The following MS4A15 variants were observed in gnomAD, a reference collection of about 807,000 sequenced individuals.
MS4A15 encodes membrane-spanning 4-domains subfamily A member 15.
MS4A15 carries 22 observed loss-of-function variants against 20.6 expected under a neutral mutation model. The ratio of observed to expected loss-of-function variants is 1.07; its 90% CI spans 0.76 to 1.52. MS4A15 has a LOEUF of 1.52. Ranked by LOEUF, MS4A15 falls within the 40% of genes most tolerant of loss-of-function variation. The probability of loss-of-function intolerance (pLI) is 0.00; values close to 1 mark genes in which losing one functional copy is unlikely to be tolerated. For missense variants in MS4A15, 312 were observed against 323.0 expected, an observed-to-expected ratio of 0.97 and a Z score of 0.26; for synonymous variants, 129 against 129.3, an observed-to-expected ratio of 1.00 and a Z score of 0.02.
At position 60,775,625 on chromosome 11, in the gene MS4A15, C is replaced by T. The variant is rs1854172876; in HGVS notation, c.633C>T (p.Asn211=). Residue 211 remains asparagine, a synonymous_variant, in exon 7 of 7, where the codon AAC becomes AAT. Transcript: ENST00000405633. Reference sequence around the variant, plus strand: ...TGCAGCCTGTGATCTTCCTGCCAAACGCCTTCAGCGCAGACTTCAACATCC... The same window carrying T: ...TGCAGCCTGTGATCTTCCTGCCAAATGCCTTCAGCGCAGACTTCAACATCC... ...QASAPVIFLP[N]AFSADFNIPS... 1.9e-6 allele frequency: 3 copies of T among 1,613,950 alleles called. No homozygotes were observed. Among genetic ancestry groups the T allele is most frequent in the Non-Finnish European group, 2.5e-6 (3 of 1,179,908 alleles).
intron 4 of MS4A15, 72 bp downstream of exon 4, chr11:60,771,419 C>A (rs755507805): frequency 1.3e-6 from 2 of 1,597,276 alleles, no homozygotes; most frequent in African/African-American, 2.7e-5. Context: ...CTGCCCCTCC[C>A]ATCCACTCAC....
intron 1 of MS4A15, among the ~76,000 whole-genome samples, chr11:60,760,181 C>T (rs566221389): frequency 3.9e-5 from 6 of 152,324 alleles, no homozygotes; most frequent in East Asian, 1.9e-4. Context: ...AGGGAACGCT[C>T]GAGCTAATGC....
At chr11:60,773,728 A>G in intron 5 of MS4A15, 109 bp from the exon 6 acceptor site, 1 of 957,888 alleles carries the variant, frequency 1.0e-6, no homozygotes, top group Non-Finnish European at 1.7e-6. Flanking sequence ...GGCTCCAGGC[A>G]CAGCTCTGCT....
intron 4 of MS4A15, among the ~76,000 whole-genome samples, chr11:60,772,779 C>T (rs1194344004): frequency 6.6e-6 from 1 of 152,118 alleles, no homozygotes; most frequent in Non-Finnish European, 1.5e-5. Context: ...GCCTGGACCA[C>T]CCCAGGAGTC....
chr11:60,775,905 T>C lies in MS4A15; in HGVS notation c.*190T>C. ...CTCCCACACTTTCCCCAGTGCTTTC[T>C]TTCTAAAAGACACCGGGCTGACGTC... On this transcript the variant is annotated 3_prime_UTR_variant, in exon 7 of 7. Coordinates refer to ENST00000405633, the MANE Select transcript of MS4A15 (RefSeq NM_001098835.2). The C allele has an allele frequency of 2.0e-6, 1 of 506,236 alleles. No homozygotes were observed. Among genetic ancestry groups the C allele is most frequent in the Non-Finnish European group, 3.5e-6 (1 of 283,592 alleles). 31.4% of individuals were successfully genotyped at this position (506,236 alleles called of 1,614,324 possible). A position where few individuals can be genotyped will look rare whatever the true frequency, so the allele number is the denominator to read the frequency against.
At chr11:60,773,064 G>A (rs1259435772) in intron 4 of MS4A15, among the ~76,000 whole-genome samples, 1 of 152,228 alleles carries the variant, frequency 6.6e-6, no homozygotes, top group Non-Finnish European at 1.5e-5. Flanking sequence ...TGGGCCTGGG[G>A]GAGAGGGAGC....
intron 1 of MS4A15, among the ~76,000 whole-genome samples, 189 bp downstream of exon 1, chr11:60,757,247 G>A (rs915238898): frequency 6.6e-6 from 1 of 152,226 alleles, no homozygotes; most frequent in Admixed American, 6.5e-5. Flanking sequence ...ATCTTAATTC[G>A]GCAGGAATGC....
At chr11:60,770,888 T>G (rs773835356) in intron 3 of MS4A15, among the ~76,000 whole-genome samples, 2 of 151,964 alleles carry the variant, frequency 1.3e-5, no homozygotes, top group Non-Finnish European at 2.9e-5. Context: ...GTATTTTTAG[T>G]AGAGACTGGA....
At chr11:60,775,266 G>A (rs1374803487) in intron 6 of MS4A15, among the ~76,000 whole-genome samples, 4 of 151,342 alleles carry the variant, frequency 2.6e-5, no homozygotes, top group Admixed American at 2.0e-4. Context: ...GCAGTGAGCC[G>A]AGATCACGCC....
chr11:60,762,497 A>T (rs1853769784), intron 1 of MS4A15, among the ~76,000 whole-genome samples: 1 of 152,250 alleles, frequency 6.6e-6, no homozygotes, highest in Non-Finnish European at 1.5e-5. Flanking sequence ...CACAGCAATT[A>T]TAAACAAATA....
At chr11:60,770,540 G>A (rs1186155819) in intron 3 of MS4A15, among the ~76,000 whole-genome samples, 4 of 151,240 alleles carry the variant, frequency 2.6e-5, no homozygotes, top group African/African-American at 7.3e-5. Context: ...GGAGGTTGCA[G>A]TGAGCCGAGA....
At chr11:60,761,344 A>G (rs1307442947) in intron 1 of MS4A15, among the ~76,000 whole-genome samples, 4 of 152,254 alleles carry the variant, frequency 2.6e-5, no homozygotes, top group Non-Finnish European at 2.9e-5. Context: ...TGCAAACTTG[A>G]CCTTTATTTC....
rs538445701 is a variant in MS4A15 at position 60,774,025 on chromosome 11, C to G, written c.612+75C>G. 5 of 1,133,740 alleles carry G rather than the reference C, an allele frequency of 4.4e-6. No homozygotes were observed. In the African/African-American group the frequency reaches 8.1e-5, roughly 18 times the overall value. The allele number at this position is 1,133,740 out of a possible 1,614,324, so 70.2% of individuals were successfully genotyped here. ...TGTGTGGAAGGCAGTTGGCTGGGAG[C>G]GCGCTCTGCCTCCAGACCCCTCCCT... is the stretch of plus-strand genomic sequence containing the variant. On this transcript the variant is annotated intron_variant, in intron 6 of 6. Transcript: ENST00000405633.
chr11:60,767,742 TG>T, intron 3 of MS4A15, 87 bp downstream of exon 3: 2 of 1,406,892 alleles, frequency 1.4e-6, no homozygotes, highest in Middle Eastern at 2.2e-4. Context: ...ACCATCCTCC[TG>T]GGCACAGCCT....
intron 3 of MS4A15, among the ~76,000 whole-genome samples, chr11:60,769,161 G>GAAAAAAAGCTTCAAAAAAA (rs1390808406): frequency 6.6e-6 from 1 of 152,156 alleles, no homozygotes. Flanking sequence ...TTCAAAAATG[G>GAAAAAAAGCTTCAAAAAAA]GGGAAGGAAC....
At chr11:60,759,202 G>T (rs1400648363) in intron 1 of MS4A15, among the ~76,000 whole-genome samples, 1 of 152,236 alleles carries the variant, frequency 6.6e-6, no homozygotes, top group Non-Finnish European at 1.5e-5. Context: ...AAGAAAAATT[G>T]TTATGCTTTG....
At chr11:60,766,557 C>A (rs929138591) in intron 2 of MS4A15, among the ~76,000 whole-genome samples, 1 of 152,074 alleles carries the variant, frequency 6.6e-6, no homozygotes, top group African/African-American at 2.4e-5. Context: ...GGGGAAAGAT[C>A]TAAGGAAGGG....
At position 60,771,604 on chromosome 11, in the gene MS4A15, G is replaced by A; in HGVS notation, c.405+257G>A. The stretch of plus-strand genomic sequence containing the variant: ...CCATGCTCATGGTCATTCCGAGAAA[G>A]GAAAGATGCTAGAAGATCTCCTGTA... On this transcript the variant is annotated intron_variant, in intron 4 of 6. Transcript: ENST00000405633. 4.7e-6 allele frequency: 7 copies of A among 1,499,324 alleles called. 1 individual carries two copies. In the South Asian group the frequency reaches 8.4e-5, roughly 18 times the overall value. The allele number at this position is 1,499,324 out of a possible 1,614,324, so 92.9% of individuals were successfully genotyped here. A position where few individuals can be genotyped will look rare whatever the true frequency, so the allele number is the denominator to read the frequency against.
intron 1 of MS4A15, among the ~76,000 whole-genome samples, chr11:60,757,388 GTGT>G (rs1164882264): frequency 6.6e-6 from 1 of 152,118 alleles, no homozygotes; most frequent in African/African-American, 2.4e-5. Flanking sequence ...GGTACACTCG[GTGT>G]TGTATCCTCT....
Sources: allele counts gnomAD v4.1 joint callset (sites outside exome capture counted in the v4.1 genomes callset), GRCh38; gene constraint gnomAD v4.1.1; transcripts MANE v1.5; gene names NCBI Gene and HGNC (gene_info 2026-07-23, HGNC 2026-07-21).